The following DTNA variants were observed in gnomAD, a reference collection of about 807,000 sequenced individuals.
DTNA encodes the protein dystrobrevin alpha, also known as dystrophin-related protein 3.
In DTNA, 43 loss-of-function variants were observed where a neutral mutation model predicts 100.7. That is an observed-to-expected ratio of 0.43 (90% confidence interval 0.33 to 0.55). The LOEUF (loss-of-function observed/expected upper bound fraction) is 0.55, where lower values mean the gene tolerates loss of function less well. DTNA is among the 20% of genes least tolerant of loss of function. DTNA has a pLI of 0.04. For missense variants in DTNA, 798 were observed against 953.9 expected (o/e 0.84, Z 2.15); for synonymous variants, 349 against 347.9 (o/e 1.00, Z -0.04).
chr18:34,826,233 ATTTTT>A (rs1357315093), intron 9 of DTNA, among the ~76,000 whole-genome samples: 2 of 151,850 alleles, frequency 1.3e-5, no homozygotes, highest in Non-Finnish European at 2.9e-5. Context: ...TTATTTTTTT[ATTTTT>A]ATTTTTCCAT....
intron 1 of DTNA, among the ~76,000 whole-genome samples, chr18:34,686,631 A>G (rs1404811911): frequency 1.3e-5 from 2 of 152,144 alleles, no homozygotes; most frequent in African/African-American, 4.8e-5. Context: ...AGGTTTTGGT[A>G]TCAGGATGAT....
At chr18:34,505,247 C>T (rs1416278244) in intron 1 of DTNA, among the ~76,000 whole-genome samples, 3 of 152,164 alleles carry the variant, frequency 2.0e-5, no homozygotes, top group Non-Finnish European at 2.9e-5. Flanking sequence ...AATTTCTTTC[C>T]TCTGTCATCG....
intron 16 of DTNA, among the ~76,000 whole-genome samples, chr18:34,863,730 T>C (rs1273824660): frequency 2.6e-5 from 4 of 152,208 alleles, no homozygotes; most frequent in Admixed American, 2.6e-4. Context: ...GGTAGAAAGG[T>C]CTGAAGGAAA....
At position 34,514,304 on chromosome 18, in the gene DTNA, T is replaced by C. The variant is rs75152122; in HGVS notation, c.-2+20790T>C. ...AGCATGCCTAAGAATTACCTGGTTG[T>C]TGGGGGGAGTGAAAACACAGCTTGC... On this transcript the variant is annotated intron_variant, in intron 1 of 19. Transcript: ENST00000283365. Among the ~76,000 whole-genome samples the C allele has an allele frequency of 6.5e-3, 994 of 152,222 alleles. 15 individuals are homozygous for C. Among genetic ancestry groups the C allele is most frequent in the African/African-American group, 0.023 (955 of 41,536 alleles).
rs1240978 is a variant in DTNA, at chr18:34,648,091, G to C, written c.-1-107885G>C. Among the ~76,000 whole-genome samples, 45 of 152,270 alleles carry C rather than the reference G, an allele frequency of 3.0e-4. 1 individual carries two copies. The East Asian group carries it at 7.3e-3, about 25-fold the overall frequency. ...TGGTGGACAACATTTTTCAGGAAGA[G>C]GGAACAGCATATTAAAGCATCTGAG... On this transcript the variant is annotated intron_variant, in intron 1 of 19. Transcript: ENST00000283365.
intron 6 of DTNA, among the ~76,000 whole-genome samples, chr18:34,812,796 CTTAA>C (rs1232345735): frequency 1.3e-5 from 2 of 152,172 alleles, no homozygotes; most frequent in Non-Finnish European, 2.9e-5. Flanking sequence ...TTCAAAAGGG[CTTAA>C]TTGTCTCACT....
intron 1 of DTNA, among the ~76,000 whole-genome samples, chr18:34,640,518 C>T (rs2059156892): frequency 6.6e-6 from 1 of 152,242 alleles, no homozygotes; most frequent in Non-Finnish European, 1.5e-5. Context: ...CAGTGCCAAT[C>T]ACAGACATTC....
chr18:34,598,302 T>C (rs2051060743), intron 1 of DTNA, among the ~76,000 whole-genome samples: 1 of 152,048 alleles, frequency 6.6e-6, no homozygotes, highest in Non-Finnish European at 1.5e-5. Context: ...GTCAGCTGTT[T>C]ATTATCAGAG....
At chr18:34,726,970 C>T (rs958592631) in intron 1 of DTNA, among the ~76,000 whole-genome samples, 2 of 152,232 alleles carry the variant, frequency 1.3e-5, no homozygotes, top group African/African-American at 4.8e-5. Flanking sequence ...CTGATACATC[C>T]TCTGGAATCT....
intron 1 of DTNA, among the ~76,000 whole-genome samples, chr18:34,750,642 T>G (rs1212853347): frequency 6.6e-6 from 1 of 152,206 alleles, no homozygotes; most frequent in Non-Finnish European, 1.5e-5. Context: ...CTTTACCTTC[T>G]TGAGTCTTAA....
At position 34,771,918 on chromosome 18, in the gene DTNA, C is replaced by T. The variant is rs77549884; in HGVS notation, c.148+5877C>T. On this transcript the variant is annotated intron_variant, in intron 3 of 22. Coordinates refer to ENST00000444659, the MANE Select transcript of DTNA (RefSeq NM_001386795.1). ...ACATTATTTCCTTGGTCAGCATTGA[C>T]GTGGTTAATGATCCAGATACCCTGT... 5.3e-3 allele frequency among the ~76,000 whole-genome samples: 806 copies of T among 151,188 alleles called. 3 individuals carry two copies. The highest frequency in any genetic ancestry group is 8.0e-3 in the Non-Finnish European group (546 of 67,904).
Position 34,610,889 on chromosome 18 carries a change from TA to T in DTNA, c.-2+117379del, listed in dbSNP as rs549074507. ...GATGAGCTCAGATTATTACATGTAG[TA>T]AAATAATGTCTATGAAAAGTGTTAA... On this transcript the variant is annotated intron_variant, in intron 1 of 19. Transcript: ENST00000283365. Among the ~76,000 whole-genome samples the T allele has an allele frequency of 3.4e-4, 52 of 152,342 alleles. No homozygotes were observed. The South Asian group carries it at 9.9e-3, about 29-fold the overall frequency.
chr18:34,609,192 A>AGATATTATAT (rs2053720671), intron 1 of DTNA, among the ~76,000 whole-genome samples: 1 of 152,134 alleles, frequency 6.6e-6, no homozygotes, highest in African/African-American at 2.4e-5. Context: ...TTTATTGTAC[A>AGATATTATAT]AGATAAACTA....
intron 1 of DTNA, among the ~76,000 whole-genome samples, chr18:34,499,533 A>G (rs565514321): frequency 5.9e-5 from 9 of 152,338 alleles, no homozygotes; most frequent in South Asian, 2.1e-4. Flanking sequence ...GTTTACTTTT[A>G]TAAGAAATTA....
intron 4 of DTNA, among the ~76,000 whole-genome samples, chr18:34,804,558 C>A (rs1207330048): frequency 1.3e-5 from 2 of 152,070 alleles, no homozygotes; most frequent in Non-Finnish European, 2.9e-5. Flanking sequence ...TAAGGAAGAG[C>A]AAGAAATCAA....
At position 34,794,054 on chromosome 18, in the gene DTNA, T is replaced by A. The variant is rs775875481; in HGVS notation, c.166T>A (p.Trp56Arg). The A allele has an allele frequency of 1.2e-6, 2 of 1,614,050 alleles. No homozygotes were observed. The highest frequency in any genetic ancestry group is 3.3e-5 in the Admixed American group (2 of 59,994). ...KKCNLHLVDI[W>R]NVIEALRENA... ...AATTGTAGTGCACCTGGTGGACATATGGAATGTCATAGAAGCATTGCGGGA... is the reference window on the plus strand; with the variant it reads ...AATTGTAGTGCACCTGGTGGACATAAGGAATGTCATAGAAGCATTGCGGGA... The change falls in exon 4 of 23, where the codon TGG (tryptophan) becomes AGG (arginine). Residue 56 changes from tryptophan (W) to arginine (R), a missense_variant. Trp to Arg is a moderately radical substitution (Grantham distance 101). Coordinates refer to ENST00000444659, the MANE Select transcript of DTNA (RefSeq NM_001386795.1).
intron 1 of DTNA, among the ~76,000 whole-genome samples, chr18:34,734,822 A>G (rs557456588): frequency 5.3e-4 from 81 of 152,320 alleles, no homozygotes; most frequent in Non-Finnish European, 9.4e-4. Flanking sequence ...TTTATTTTGC[A>G]TAACTCTCTA....
intron 1 of DTNA, among the ~76,000 whole-genome samples, chr18:34,626,345 A>G (rs1205686852): frequency 2.6e-5 from 4 of 152,198 alleles, no homozygotes; most frequent in African/African-American, 7.2e-5. Flanking sequence ...TGTTAAAACA[A>G]TGTCAGAGAA....
chr18:34,504,441 T>C (rs544604469), intron 1 of DTNA, among the ~76,000 whole-genome samples: 4 of 152,224 alleles, frequency 2.6e-5, no homozygotes, highest in Non-Finnish European at 5.9e-5. Flanking sequence ...TTCTTTTTTC[T>C]TGATGTTCTA....
Sources: allele counts gnomAD v4.1 joint callset (sites outside exome capture counted in the v4.1 genomes callset), GRCh38; gene constraint gnomAD v4.1.1; transcripts MANE v1.5; gene names NCBI Gene and HGNC (gene_info 2026-07-23, HGNC 2026-07-21).